CNGB3: variants seen among roughly 807,000 people sequenced by gnomAD.
The protein encoded by CNGB3 is cyclic nucleotide-gated channel beta-3.
Under a neutral mutation model 92.8 loss-of-function variants are expected in CNGB3, and 86 were observed. That is an observed-to-expected ratio of 0.93 (90% confidence interval 0.78 to 1.11). The LOEUF (loss-of-function observed/expected upper bound fraction) is 1.11, where lower values mean the gene tolerates loss of function less well. CNGB3 is among the 50% of genes least tolerant of loss of function. CNGB3 has a pLI of 0.00. For synonymous variants in CNGB3, 333 were observed against 332.7 expected, an observed-to-expected ratio of 1.00 and a Z score of -0.01; for missense variants, 1,026 against 956.8, an observed-to-expected ratio of 1.07 and a Z score of -0.95.
chr8:86,647,334 A>C (rs1212112769), intron 8 of CNGB3, among the ~76,000 whole-genome samples: 2 of 150,998 alleles, frequency 1.3e-5, no homozygotes, highest in African/African-American at 2.4e-5. Context: ...TTGTGAAAGC[A>C]TGTCTGTGAT....
At chr8:86,658,600 G>T in intron 6 of CNGB3, 1 of 350,310 alleles carries the variant, frequency 2.9e-6, no homozygotes, top group South Asian at 2.8e-5. Flanking sequence ...TGCTGCAGGT[G>T]ACCCAGGTAC....
chr8:86,598,333 A>G (rs1822217924), intron 15 of CNGB3, among the ~76,000 whole-genome samples: 1 of 152,208 alleles, frequency 6.6e-6, no homozygotes, highest in African/African-American at 2.4e-5. Context: ...GGAGAACATA[A>G]GATACAAATG....
chr8:86,714,937 C>T (rs1294467385), intron 3 of CNGB3, among the ~76,000 whole-genome samples: 11 of 152,032 alleles, frequency 7.2e-5, no homozygotes, highest in Admixed American at 7.2e-4. Context: ...GGGAATATAA[C>T]TCCTTTGGCC....
intron 11 of CNGB3, among the ~76,000 whole-genome samples, chr8:86,630,093 A>T (rs1043266742): frequency 2.0e-5 from 3 of 152,154 alleles, no homozygotes; most frequent in Non-Finnish European, 4.4e-5. Flanking sequence ...TAGAGCCAAA[A>T]AATTCTTCTA....
At chr8:86,658,679 C>T in intron 6 of CNGB3, 1 of 376,450 alleles carries the variant, frequency 2.7e-6, no homozygotes, top group Non-Finnish European at 5.0e-6. Context: ...TCAGCTCACC[C>T]AGCTTCTCGC....
intron 3 of CNGB3, among the ~76,000 whole-genome samples, chr8:86,696,229 C>T (rs867608908): frequency 3.3e-5 from 5 of 152,206 alleles, no homozygotes; most frequent in Middle Eastern, 3.4e-3. Flanking sequence ...TTCTTTAGAG[C>T]AGGGTGTTCT....
intron 14 of CNGB3, among the ~76,000 whole-genome samples, chr8:86,609,993 C>T (rs971532333): frequency 6.6e-6 from 1 of 152,188 alleles, no homozygotes; most frequent in Non-Finnish European, 1.5e-5. Context: ...TCCCTTTATA[C>T]AACTTAGCAC....
At chr8:86,716,604 C>T (rs187509655) in intron 3 of CNGB3, among the ~76,000 whole-genome samples, 17 of 152,176 alleles carry the variant, frequency 1.1e-4, no homozygotes, top group East Asian at 7.7e-4. Context: ...CCAAAAATTT[C>T]GTATCCAGTG....
In CNGB3 at chr8:86,601,520, A is replaced by ATT. The variant is rs201798305; in HGVS notation, c.1781+2571_1781+2572dup. Among the ~76,000 whole-genome samples, 10 of 146,926 alleles carry ATT rather than the reference A, an allele frequency of 6.8e-5. No homozygotes were observed. In the East Asian group the frequency reaches 1.4e-3, roughly 20 times the overall value. On this transcript the variant is annotated intron_variant, in intron 15 of 17. Transcript: ENST00000320005. ...TTGAAAGCCCTTAATGTTTTTCTTT[A>ATT]TTTTTTTTTTTCCTGAGGAAAAAGA...
chr8:86,632,647 A>G, intron 11 of CNGB3, 105 bp downstream of exon 11: 6 of 1,216,140 alleles, frequency 4.9e-6, no homozygotes, highest in Non-Finnish European at 5.9e-6. Flanking sequence ...GTTCAAAAAA[A>G]GAAGAACCAG....
At chr8:86,704,946 A>G (rs1455896732) in intron 3 of CNGB3, among the ~76,000 whole-genome samples, 3 of 152,160 alleles carry the variant, frequency 2.0e-5, no homozygotes, top group Non-Finnish European at 4.4e-5. Flanking sequence ...TCTTTCGTTC[A>G]GAGGTCACCA....
chr8:86,692,791 CT>C (rs34755011), intron 3 of CNGB3, among the ~76,000 whole-genome samples: 73,774 of 151,224 alleles, frequency 0.49, 18,216 homozygotes, highest in South Asian at 0.7. Context: ...GCCTAAATAC[CT>C]TTTTTTTTCA....
chr8:86,601,349 A>T (rs1030487668), intron 15 of CNGB3, among the ~76,000 whole-genome samples: 1 of 152,194 alleles, frequency 6.6e-6, no homozygotes, highest in Non-Finnish European at 1.5e-5. Flanking sequence ...GCCATCTCTC[A>T]GCAGACCCTG....
intron 7 of CNGB3, among the ~76,000 whole-genome samples, chr8:86,651,164 G>T (rs114371452): frequency 1.3e-5 from 2 of 151,164 alleles, no homozygotes; most frequent in Non-Finnish European, 3.0e-5. Context: ...AGAAGGGGGG[G>T]TGTGTTTGGG....
intron 3 of CNGB3, among the ~76,000 whole-genome samples, chr8:86,695,263 G>A (rs1405243351): frequency 6.6e-6 from 1 of 152,202 alleles, no homozygotes; most frequent in Admixed American, 6.5e-5. Context: ...TCCAGCTTCG[G>A]CTCGGCATCA....
chr8:86,741,680 A>G (rs116911629), intron 1 of CNGB3, among the ~76,000 whole-genome samples: 1 of 152,064 alleles, frequency 6.6e-6, no homozygotes, highest in African/African-American at 2.4e-5. Context: ...AAAACAAAAA[A>G]AAAAAATCTA....
chr8:86,653,322 T>A (rs1271288097), intron 7 of CNGB3, among the ~76,000 whole-genome samples: 1 of 151,760 alleles, frequency 6.6e-6, no homozygotes, highest in Non-Finnish European at 1.5e-5. Context: ...AGAAAATTAG[T>A]CGGAGATTAA....
At chr8:86,597,069 A>G (rs1440797018) in intron 15 of CNGB3, among the ~76,000 whole-genome samples, 1 of 152,136 alleles carries the variant, frequency 6.6e-6, no homozygotes, top group Non-Finnish European at 1.5e-5. Context: ...AGAAATACCT[A>G]ATGTAAATGA....
At chr8:86,613,616 C>T (rs1822560180) in intron 13 of CNGB3, among the ~76,000 whole-genome samples, 1 of 152,072 alleles carries the variant, frequency 6.6e-6, no homozygotes, top group Admixed American at 6.6e-5. Flanking sequence ...AGAAGATTTA[C>T]ATTGTAAATG....
Sources: gnomAD v4.1 joint callset for allele counts (sites outside exome capture counted in the v4.1 genomes callset) on GRCh38, gnomAD v4.1.1 for gene constraint, MANE v1.5 for transcripts, NCBI Gene and HGNC (gene_info 2026-07-23, HGNC 2026-07-21) for gene names.